The following LRP1B variants were observed in gnomAD, a reference collection of about 807,000 sequenced individuals.
The protein encoded by LRP1B is LDL receptor related protein 1B.
LRP1B carries 217 observed loss-of-function variants against 556.6 expected under a neutral mutation model. The ratio of observed to expected loss-of-function variants is 0.39; its 90% CI spans 0.35 to 0.44. The LOEUF (loss-of-function observed/expected upper bound fraction) is 0.44. LRP1B is among the 20% of genes least tolerant of loss of function. The probability of loss-of-function intolerance (pLI) is 1.00; values close to 1 mark genes in which losing one functional copy is unlikely to be tolerated. For missense variants in LRP1B, 5,053 were observed against 5,620.8 expected, an observed-to-expected ratio of 0.90 and a Z score of 3.23; for synonymous variants, 2,047 against 1,865.8, an observed-to-expected ratio of 1.10 and a Z score of -2.50.
intron 14 of LRP1B, among the ~76,000 whole-genome samples, chr2:141,012,646 G>A (rs2105383835): frequency 6.6e-6 from 1 of 151,762 alleles, no homozygotes; most frequent in South Asian, 2.1e-4. Flanking sequence ...AATTACATTT[G>A]TATTCCATTG....
chr2:141,449,785 T>C (rs1290493517), intron 3 of LRP1B, among the ~76,000 whole-genome samples: 1 of 152,214 alleles, frequency 6.6e-6, no homozygotes, highest in Non-Finnish European at 1.5e-5. Flanking sequence ...TTGTGGAAAT[T>C]ATGTGATAGC....
chr2:141,397,112 T>TAAAAAAAAAAAAAAA (rs1690264904), intron 3 of LRP1B, among the ~76,000 whole-genome samples: 1 of 2,600 alleles, frequency 3.8e-4, no homozygotes, highest in Non-Finnish European at 7.5e-4. Context: ...AAACTTTGTC[T>TAAAAAAAAAAAAAAA]CAAAAAAAAA....
chr2:140,404,168 CTTTTTTTT>C (rs68017900), intron 66 of LRP1B, among the ~76,000 whole-genome samples: 1 of 92,444 alleles, frequency 1.1e-5, no homozygotes, highest in Non-Finnish European at 2.0e-5. Flanking sequence ...AATAGAACTT[CTTTTTTTT>C]TTTTTTTTTT....
At chr2:140,413,994 C>T (rs1041943911) in intron 66 of LRP1B, among the ~76,000 whole-genome samples, 26 of 152,114 alleles carry the variant, frequency 1.7e-4, no homozygotes, top group African/African-American at 6.3e-4. Context: ...CAGCTCACTG[C>T]AACCTCAAAC....
chr2:142,100,044 G>A (rs978189675), intron 1 of LRP1B, among the ~76,000 whole-genome samples: 15 of 151,850 alleles, frequency 9.9e-5, no homozygotes, highest in African/African-American at 2.9e-4. Context: ...CACAAACAAT[G>A]CAAATGTTGC....
At chr2:141,279,965 G>A (rs138550711) in intron 3 of LRP1B, among the ~76,000 whole-genome samples, 7 of 152,190 alleles carry the variant, frequency 4.6e-5, no homozygotes, top group African/African-American at 1.7e-4. Flanking sequence ...CTTATAGACT[G>A]TGGGTCCCTT....
intron 1 of LRP1B, among the ~76,000 whole-genome samples, chr2:141,822,116 C>CAG (rs1178777835): frequency 2.2e-3 from 225 of 102,216 alleles, no homozygotes; most frequent in Middle Eastern, 5.4e-3. Context: ...CACACACACA[C>CAG]ACACACACAC....
At chr2:140,699,339 C>T (rs942422575) in intron 41 of LRP1B, among the ~76,000 whole-genome samples, 2 of 151,880 alleles carry the variant, frequency 1.3e-5, no homozygotes, top group Non-Finnish European at 2.9e-5. Flanking sequence ...AGTATCATTC[C>T]ACTTTTATAA....
At chr2:140,526,536 CT>C (rs1690443699) in intron 47 of LRP1B, among the ~76,000 whole-genome samples, 186 bp from the exon 48 acceptor site, 2 of 151,050 alleles carry the variant, frequency 1.3e-5, no homozygotes, top group South Asian at 2.1e-4. Context: ...ATGTCTTCCC[CT>C]ATCACACAAT....
intron 1 of LRP1B, among the ~76,000 whole-genome samples, chr2:142,112,284 T>A (rs1289970011): frequency 6.6e-6 from 1 of 152,068 alleles, no homozygotes; most frequent in African/African-American, 2.4e-5. Flanking sequence ...GAACATTGAA[T>A]ATTCTATAAG....
At chr2:140,244,207 A>G (rs1347723362) in intron 87 of LRP1B, among the ~76,000 whole-genome samples, 1 of 151,184 alleles carries the variant, frequency 6.6e-6, no homozygotes, top group Non-Finnish European at 1.5e-5. Flanking sequence ...TTACATCTCT[A>G]TATTTGCAGA....
At position 141,902,638 on chromosome 2, in the gene LRP1B, G is replaced by A. The variant is rs1699653320; in HGVS notation, c.83-92237C>T. On this transcript the variant is annotated intron_variant, in intron 1 of 90. Transcript: ENST00000389484. ...ATGAAGGAACATATAGCACATTCAA[G>A]CTGCGCTTGAAGGAAGCTAGAATGA... Among the ~76,000 whole-genome samples, 3 of 152,076 alleles carry A rather than the reference G, an allele frequency of 2.0e-5. No homozygotes were observed. The South Asian group carries it at 6.2e-4, about 32-fold the overall frequency.
intron 20 of LRP1B, among the ~76,000 whole-genome samples, chr2:140,946,901 C>T (rs926249542): frequency 1.3e-5 from 2 of 152,242 alleles, no homozygotes; most frequent in East Asian, 1.9e-4. Flanking sequence ...AGGCCATAAT[C>T]CTAAGTGAAT....
intron 43 of LRP1B, among the ~76,000 whole-genome samples, chr2:140,571,151 T>C (rs1232230047): frequency 6.6e-6 from 1 of 151,762 alleles, no homozygotes; most frequent in Admixed American, 6.6e-5. Context: ...ATACTGGATG[T>C]CTCAGTCTGA....
rs1202277203 is a variant in LRP1B, at chr2:141,062,193, A to G, written c.1094T>C (p.Ile365Thr). ...DMDGMNRTRI[I>T]DSKTEQPAAL... ...AGCTGGCTGCTCTGTCTTTGAATCA[A>G]TTATCCTTGTTCGGTTCATCCCATC... The change falls in exon 8 of 91, where the codon ATT (isoleucine) becomes ACT (threonine). Residue 365 changes from isoleucine to threonine, a missense_variant. Around this residue, in one of 5 missense-constraint regions of LRP1B, gnomAD observed 3,619 missense variants for 3,931.9 expected, o/e 0.92. Coordinates refer to ENST00000389484, the MANE Select transcript of LRP1B (RefSeq NM_018557.3). The G allele has an allele frequency of 4.3e-6, 7 of 1,611,718 alleles. No homozygotes were observed. Among genetic ancestry groups the G allele is most frequent in the Non-Finnish European group, 5.9e-6 (7 of 1,178,624 alleles).
intron 11 of LRP1B, among the ~76,000 whole-genome samples, chr2:141,046,217 C>T (rs1292069967): frequency 6.6e-6 from 1 of 152,088 alleles, no homozygotes; most frequent in Non-Finnish European, 1.5e-5. Flanking sequence ...TACCCTTGTA[C>T]TTCAAACTAC....
At chr2:141,496,265 A>G (rs1559104952) in intron 2 of LRP1B, among the ~76,000 whole-genome samples, 3 of 151,908 alleles carry the variant, frequency 2.0e-5, no homozygotes, top group Admixed American at 2.0e-4. Flanking sequence ...TCAGAGCCAT[A>G]CTATGCACTC....
Position 141,116,739 on chromosome 2 carries a change from T to C in LRP1B, c.1014-54466A>G, listed in dbSNP as rs572804812. ...AACAGATCTGAATGATTTTTTTTTT[T>C]CTATAAACTCTGCCTTTTCTAATCT... On this transcript the variant is annotated intron_variant, in intron 7 of 90. Coordinates refer to ENST00000389484, the MANE Select transcript of LRP1B (RefSeq NM_018557.3). 1.7e-3 allele frequency among the ~76,000 whole-genome samples: 248 copies of C among 149,172 alleles called. 1 individual carries two copies. The highest frequency in any genetic ancestry group is 5.8e-3 in the African/African-American group (236 of 40,806).
intron 29 of LRP1B, 117 bp downstream of exon 29, chr2:140,849,985 C>A: frequency 1.5e-6 from 1 of 680,360 alleles, no homozygotes; most frequent in Non-Finnish European, 2.5e-6. Flanking sequence ...CTAATCAATT[C>A]TAACTTTCAA....
Sources: gnomAD v4.1 joint callset for allele counts (sites outside exome capture counted in the v4.1 genomes callset) on GRCh38, gnomAD v4.1.1 for gene constraint, gnomAD v4.1.1 regional missense constraint, MANE v1.5 for transcripts, NCBI Gene and HGNC (gene_info 2026-07-23, HGNC 2026-07-21) for gene names.